Variants in VPS35L observed in about 807,000 individuals in gnomAD.
The protein encoded by VPS35L is VPS35 endosomal protein sorting factor like.
A neutral mutation model predicts 133.0 loss-of-function variants in VPS35L; 83 were observed. The ratio of observed to expected loss-of-function variants is 0.62; its 90% CI spans 0.52 to 0.75. The LOEUF (loss-of-function observed/expected upper bound fraction) is 0.75. VPS35L is among the 30% of genes least tolerant of loss of function. The pLI, the probability that VPS35L is intolerant of heterozygous loss-of-function variation, is 0.00. For missense variants in VPS35L, 1,083 were observed against 1,206.8 expected (o/e 0.90, Z 1.52); for synonymous variants, 423 against 449.9 (o/e 0.94, Z 0.76).
intron 9 of VPS35L, among the ~76,000 whole-genome samples, chr16:19,604,430 A>G (rs918470437): frequency 2.0e-5 from 3 of 152,226 alleles, no homozygotes; most frequent in Non-Finnish European, 4.4e-5. Flanking sequence ...TAGCACTTTT[A>G]TCACTAAAAT....
chr16:19,682,908 CTTGATTGA>C (rs34929537), intron 28 of VPS35L, among the ~76,000 whole-genome samples: 317 of 151,608 alleles, frequency 2.1e-3, no homozygotes, highest in African/African-American at 6.3e-3. Flanking sequence ...CCATCCTGCC[CTTGATTGA>C]TTGATTGATT....
chr16:19,592,556 C>T (rs1450030620), intron 8 of VPS35L, among the ~76,000 whole-genome samples: 1 of 152,078 alleles, frequency 6.6e-6, no homozygotes, highest in Non-Finnish European at 1.5e-5. Context: ...ATGGCACCAC[C>T]ATGTACCCAG....
intron 26 of VPS35L, chr16:19,652,509 GA>G (rs952077624): frequency 5.0e-5 from 8 of 159,232 alleles, no homozygotes; most frequent in East Asian, 1.8e-4. Flanking sequence ...AAGGAGGAAA[GA>G]AAAAAAAAGA....
At chr16:19,682,127 C>A (rs946178888) in intron 27 of VPS35L, 98 bp from the exon 28 acceptor site, 19 of 1,348,874 alleles carry the variant, frequency 1.4e-5, no homozygotes, top group Middle Eastern at 1.9e-4. Context: ...AATTTCTCTA[C>A]AGCTGCTGCG....
chr16:19,614,513 C>G (rs1211268973), intron 12 of VPS35L, among the ~76,000 whole-genome samples: 1 of 152,230 alleles, frequency 6.6e-6, no homozygotes, highest in Non-Finnish European at 1.5e-5. Context: ...CGGGTTCAAG[C>G]GATCCTCCCA....
At chr16:19,611,038 C>T (rs767389541) in intron 12 of VPS35L, among the ~76,000 whole-genome samples, 7 of 152,138 alleles carry the variant, frequency 4.6e-5, no homozygotes, top group Non-Finnish European at 5.9e-5. Flanking sequence ...CTTACTGTGT[C>T]GCCCAGGCTG....
intron 13 of VPS35L, 151 bp from the exon 14 acceptor site, chr16:19,616,535 G>C (rs1567426172): frequency 9.3e-7 from 1 of 1,076,272 alleles, no homozygotes; most frequent in African/African-American, 1.7e-5. Flanking sequence ...TTTTTTTTTG[G>C]TTTAAAAAAA....
In VPS35L at chr16:19,564,946, TA is replaced by T; in HGVS notation, c.115del (p.Thr39LeufsTer10). ...GGGGACTATCACCCTCTGAAACCCA[TA>T]ACTGTAAGTTTTGTTAAGGGTCTTT... Reference protein sequence around the residue: ...EFGDYHPLKPITVTESKTKKV... With the variant: ...EFGDYHPLKPXTVTESKTKKV... On this transcript the variant is annotated frameshift_variant, in exon 2 of 31. Transcript: ENST00000417362. LOFTEE classifies it high-confidence loss of function. 1 of 1,599,698 alleles carries T rather than the reference TA, an allele frequency of 6.3e-7. No homozygotes were observed. Among genetic ancestry groups the T allele is most frequent in the South Asian group, 1.1e-5 (1 of 90,716 alleles).
In VPS35L at chr16:19,644,950, G is replaced by T; in HGVS notation, c.1929+1G>T. On this transcript the variant is annotated splice_donor_variant, in intron 23 of 30. Coordinates refer to ENST00000417362, the MANE Select transcript of VPS35L (RefSeq NM_020314.7). LOFTEE classifies it high-confidence loss of function. ...TTTGATTAATGGATTTATAAAAATG[G>T]TAAGTATTAGGGAAGAAGTTTCAGT... 7 of 1,587,136 alleles carry T rather than the reference G, an allele frequency of 4.4e-6. No homozygotes were observed. Among genetic ancestry groups the T allele is most frequent in the Non-Finnish European group, 6.1e-6 (7 of 1,156,848 alleles).
chr16:19,679,590 C>T (rs571804649), intron 27 of VPS35L, among the ~76,000 whole-genome samples: 1 of 151,704 alleles, frequency 6.6e-6, no homozygotes, highest in East Asian at 1.9e-4. Context: ...GCTCATCCTC[C>T]ACCTCCTGGG....
chr16:19,572,602 G>T (rs1198650529), intron 3 of VPS35L, among the ~76,000 whole-genome samples: 3 of 152,130 alleles, frequency 2.0e-5, no homozygotes, highest in Non-Finnish European at 2.9e-5. Context: ...TGAAAAAGTG[G>T]TCTTTTCCAA....
At chr16:19,698,616 T>C (rs1435271027) in intron 29 of VPS35L, among the ~76,000 whole-genome samples, 2 of 151,980 alleles carry the variant, frequency 1.3e-5, no homozygotes, top group African/African-American at 4.8e-5. Flanking sequence ...ATCACGCGAG[T>C]TGTATAAAGC....
chr16:19,649,521 A>G (rs1375074743), intron 24 of VPS35L, among the ~76,000 whole-genome samples: 1 of 152,234 alleles, frequency 6.6e-6, no homozygotes, highest in Non-Finnish European at 1.5e-5. Flanking sequence ...AAAGCAGTCC[A>G]TCATCAAATC....
chr16:19,570,876 TATA>T (rs1567388780), intron 3 of VPS35L, among the ~76,000 whole-genome samples: 18 of 77,520 alleles, frequency 2.3e-4, no homozygotes, highest in African/African-American at 1.3e-3. Flanking sequence ...TATATATATA[TATA>T]TATATATATA....
chr16:19,558,050 A>G (rs1450039765), intron 1 of VPS35L, among the ~76,000 whole-genome samples: 1 of 151,800 alleles, frequency 6.6e-6, no homozygotes, highest in Admixed American at 6.6e-5. Flanking sequence ...AGCCTGAGCT[A>G]CTAAGCGAGA....
chr16:19,662,027 A>C (rs1418576981), intron 26 of VPS35L, among the ~76,000 whole-genome samples: 5 of 144,682 alleles, frequency 3.5e-5, no homozygotes, highest in Non-Finnish European at 7.4e-5. Context: ...AGTCTGTACA[A>C]AATATGAATT....
At chr16:19,620,384 G>A (rs1973038293) in intron 14 of VPS35L, among the ~76,000 whole-genome samples, 1 of 152,176 alleles carries the variant, frequency 6.6e-6, no homozygotes, top group Non-Finnish European at 1.5e-5. Context: ...TGTCTAGTTA[G>A]TTGTGTTATA....
chr16:19,595,534 T>G (rs1972185787), intron 8 of VPS35L, among the ~76,000 whole-genome samples: 1 of 152,100 alleles, frequency 6.6e-6, no homozygotes, highest in Non-Finnish European at 1.5e-5. Flanking sequence ...GGCCGTCTGG[T>G]TCCCTCGCCC....
intron 27 of VPS35L, among the ~76,000 whole-genome samples, chr16:19,676,852 A>G (rs1975079788): frequency 6.6e-6 from 1 of 152,152 alleles, no homozygotes; most frequent in Admixed American, 6.5e-5. Flanking sequence ...CAATTGCACA[A>G]AGCGCCATAA....
Sources: gnomAD v4.1 joint callset for allele counts (sites outside exome capture counted in the v4.1 genomes callset) on GRCh38, gnomAD v4.1.1 for gene constraint, MANE v1.5 for transcripts, NCBI Gene and HGNC (gene_info 2026-07-23, HGNC 2026-07-21) for gene names.